USP34: variants seen among roughly 807,000 people sequenced by gnomAD.
USP34 encodes the protein ubiquitin specific peptidase 34.
USP34 carries 70 observed loss-of-function variants against 460.3 expected under a neutral mutation model. The ratio of observed to expected loss-of-function variants is 0.15; its 90% CI spans 0.13 to 0.19. The LOEUF (loss-of-function observed/expected upper bound fraction) is 0.19. Ranked by LOEUF, USP34 falls within the 10% of genes least tolerant of loss-of-function variation. The pLI, the probability that USP34 is intolerant of heterozygous loss-of-function variation, is 1.00. For missense variants in USP34, 3,985 were observed against 4,236.2 expected, an observed-to-expected ratio of 0.94 and a Z score of 1.65; for synonymous variants, 1,647 against 1,405.3, an observed-to-expected ratio of 1.17 and a Z score of -3.85.
intron 43 of USP34, among the ~76,000 whole-genome samples, chr2:61,260,973 T>C (rs903351320): frequency 6.6e-6 from 1 of 152,200 alleles, no homozygotes; most frequent in African/African-American, 2.4e-5. Flanking sequence ...ACTTAAAAAA[T>C]TGTGTTCACA....
intron 53 of USP34, among the ~76,000 whole-genome samples, chr2:61,238,195 C>T (rs1040276971): frequency 2.6e-5 from 4 of 152,216 alleles, no homozygotes; most frequent in African/African-American, 4.8e-5. Flanking sequence ...CGTGCCCAGC[C>T]TTACCCTAGC....
intron 27 of USP34, among the ~76,000 whole-genome samples, chr2:61,306,984 T>C (rs1367300840): frequency 2.0e-5 from 3 of 152,182 alleles, no homozygotes; most frequent in Non-Finnish European, 4.4e-5. Context: ...CAAAGGATTA[T>C]AAATCATGCT....
chr2:61,194,386 C>T (rs1020177154), intron 75 of USP34, among the ~76,000 whole-genome samples: 2 of 152,210 alleles, frequency 1.3e-5, no homozygotes, highest in African/African-American at 2.4e-5. Context: ...CCTACGTTCC[C>T]ATGTTCCTGT....
chr2:61,309,890 G>A (rs1394299491), intron 27 of USP34, among the ~76,000 whole-genome samples: 1 of 152,144 alleles, frequency 6.6e-6, no homozygotes, highest in East Asian at 1.9e-4. Context: ...TACATCTGTA[G>A]GGAAGGTTTA....
At chr2:61,445,662 T>C (rs1014297189) in intron 1 of USP34, among the ~76,000 whole-genome samples, 6 of 148,968 alleles carry the variant, frequency 4.0e-5, no homozygotes, top group Non-Finnish European at 6.0e-5. Context: ...TATAAAATAA[T>C]AATAATGTCT....
At chr2:61,266,539 G>T (rs996591017) in intron 41 of USP34, among the ~76,000 whole-genome samples, 2 of 152,110 alleles carry the variant, frequency 1.3e-5, no homozygotes, top group African/African-American at 4.8e-5. Context: ...ATAAATAATA[G>T]CAACAATAAC....
At chr2:61,396,256 T>C (rs1487792617) in intron 3 of USP34, among the ~76,000 whole-genome samples, 1 of 152,168 alleles carries the variant, frequency 6.6e-6, no homozygotes, top group Non-Finnish European at 1.5e-5. Flanking sequence ...AGCACAGTTA[T>C]CCATTGTTGG....
chr2:61,203,123 T>C lies in USP34; in HGVS notation c.9508+17A>G. On this transcript the variant is annotated intron_variant, in intron 75 of 79. Transcript: ENST00000398571. ...AAAATAATTCAGTGGAATTTACTGCTCATCTTTTATACTTACTCAGCTTAA... is the reference window on the plus strand; with the variant it reads ...AAAATAATTCAGTGGAATTTACTGCCCATCTTTTATACTTACTCAGCTTAA... 1 of 1,543,500 alleles carries C rather than the reference T, an allele frequency of 6.5e-7. No individual in the cohort carries two copies. Among genetic ancestry groups the C allele is most frequent in the Admixed American group, 1.9e-5 (1 of 53,246 alleles).
At chr2:61,388,739 G>A (rs771479062) in intron 5 of USP34, among the ~76,000 whole-genome samples, 70 of 149,620 alleles carry the variant, frequency 4.7e-4, no homozygotes, top group Non-Finnish European at 7.4e-4. Context: ...CTGGGCGACA[G>A]AGCAAGACTC....
intron 62 of USP34, 88 bp downstream of exon 62, chr2:61,226,975 TAAAA>T (rs1232702822): frequency 5.8e-6 from 8 of 1,386,118 alleles, no homozygotes; most frequent in Non-Finnish European, 7.7e-6. Flanking sequence ...ACATATATAA[TAAAA>T]AGCTAGTGGA....
At chr2:61,265,635 C>G in intron 42 of USP34, 78 bp from the exon 43 acceptor site, 1 of 1,406,772 alleles carries the variant, frequency 7.1e-7, no homozygotes. Context: ...CATTAACAGC[C>G]TCTACCTCCA....
intron 10 of USP34, among the ~76,000 whole-genome samples, chr2:61,356,206 GGCCAGGCACAGTGGCTCAT>G (rs971029660): frequency 6.6e-6 from 1 of 151,404 alleles, no homozygotes. Flanking sequence ...AAGTGCTACA[GGCCAGGCACAGTGGCTCAT>G]GCCTGTAATC....
intron 62 of USP34, among the ~76,000 whole-genome samples, chr2:61,225,033 G>C (rs1320244746): frequency 6.6e-6 from 1 of 152,092 alleles, no homozygotes; most frequent in East Asian, 1.9e-4. Flanking sequence ...TAGATGCCAA[G>C]GGTACTCATT....
intron 3 of USP34, among the ~76,000 whole-genome samples, chr2:61,404,858 G>A (rs1474426062): frequency 1.3e-5 from 2 of 152,074 alleles, no homozygotes; most frequent in Non-Finnish European, 2.9e-5. Context: ...TTAAGTCTAA[G>A]ATAGGTTACT....
At position 61,373,128 on chromosome 2, in the gene USP34, T is replaced by C. The variant is rs1251660663; in HGVS notation, c.1077-2549A>G. On this transcript the variant is annotated intron_variant, in intron 8 of 79. Coordinates refer to ENST00000398571, the MANE Select transcript of USP34 (RefSeq NM_014709.4). ...TTAAATCAGTATGAATGTCAAGAAG[T>C]TGAATGCATATTTAACCCATAAAAT... Among the ~76,000 whole-genome samples, 5 of 152,232 alleles carry C rather than the reference T, an allele frequency of 3.3e-5. No individual in the cohort carries two copies. The East Asian group carries it at 9.7e-4, about 29-fold the overall frequency.
intron 41 of USP34, among the ~76,000 whole-genome samples, chr2:61,271,827 A>G (rs778660788): frequency 3.3e-5 from 5 of 152,236 alleles, no homozygotes; most frequent in Admixed American, 2.0e-4. Context: ...CAAATTCTGC[A>G]TGAAATTCAG....
intron 62 of USP34, among the ~76,000 whole-genome samples, chr2:61,224,273 C>T (rs955409113): frequency 6.6e-6 from 1 of 152,158 alleles, no homozygotes; most frequent in African/African-American, 2.4e-5. Flanking sequence ...GTCATTTGTC[C>T]TGTAGTTTCT....
At chr2:61,203,004 C>T in intron 75 of USP34, 136 bp downstream of exon 75, 2 of 949,952 alleles carry the variant, frequency 2.1e-6, no homozygotes, top group South Asian at 2.5e-5. Flanking sequence ...TAAAATGTTC[C>T]CAAGAATATT....
intron 10 of USP34, among the ~76,000 whole-genome samples, chr2:61,367,322 G>A (rs1042057918): frequency 4.7e-5 from 7 of 150,394 alleles, no homozygotes; most frequent in East Asian, 2.0e-4. Context: ...ACACACACAC[G>A]CGCGCGCACA....
Sources: allele counts gnomAD v4.1 joint callset (sites outside exome capture counted in the v4.1 genomes callset), GRCh38; gene constraint gnomAD v4.1.1; transcripts MANE v1.5; gene names NCBI Gene and HGNC (gene_info 2026-07-23, HGNC 2026-07-21).